NUMB: variants seen among roughly 807,000 people sequenced by gnomAD.
NUMB encodes NUMB endocytic adaptor protein, also known as protein numb homolog.
Under a neutral mutation model 59.7 loss-of-function variants are expected in NUMB, and 29 were observed. The observed-to-expected ratio is 0.49, with a 90% confidence interval of 0.36 to 0.66. The LOEUF (loss-of-function observed/expected upper bound fraction) is 0.66. Ranked by LOEUF, NUMB falls within the 30% of genes least tolerant of loss-of-function variation. The pLI is 0.00. For missense variants in NUMB, 723 were observed against 822.0 expected (o/e 0.88, Z 1.47); for synonymous variants, 288 against 288.2 (o/e 1.00, Z 0.01).
chr14:73,279,340 G>A lies in NUMB; in HGVS notation c.1181C>T (p.Thr394Ile). ...ATCAGGGGCATGGGCCCAAGGGTTGGTTTCACGCACAGGCATTGCTACGGG... is the reference window on the plus strand; with the variant it reads ...ATCAGGGGCATGGGCCCAAGGGTTGATTTCACGCACAGGCATTGCTACGGG... Reference protein sequence around the residue: ...LAPVAMPVRETNPWAHAPDAA... With the variant: ...LAPVAMPVREINPWAHAPDAA... The change falls in exon 12 of 13, where the codon ACC becomes ATC. Residue 394 changes from threonine (T) to isoleucine (I), a missense_variant. This residue lies in a region of NUMB where 406 missense variants were observed against 385.4 expected (regional missense o/e 1.05). Coordinates refer to ENST00000555238, the MANE Select transcript of NUMB (RefSeq NM_001005743.2). 1.9e-6 allele frequency: 3 copies of A among 1,613,890 alleles called. No homozygotes were observed. The South Asian group carries it at 3.3e-5, about 18-fold the overall frequency.
intron 6 of NUMB, among the ~76,000 whole-genome samples, chr14:73,315,524 T>G (rs1369412273): frequency 1.3e-5 from 2 of 152,152 alleles, no homozygotes; most frequent in African/African-American, 4.8e-5. Context: ...ATAAACAACA[T>G]TCCACATATG....
intron 6 of NUMB, among the ~76,000 whole-genome samples, chr14:73,302,181 T>C (rs1328933613): frequency 6.6e-6 from 1 of 152,236 alleles, no homozygotes; most frequent in Non-Finnish European, 1.5e-5. Flanking sequence ...ATATTTGTCA[T>C]ATTTCATGGC....
At chr14:73,440,758 G>A (rs1405735089) in intron 1 of NUMB, among the ~76,000 whole-genome samples, 1 of 149,584 alleles carries the variant, frequency 6.7e-6, no homozygotes, top group Non-Finnish European at 1.5e-5. Context: ...AAACCGGGAG[G>A]TGGAGGTTGC....
intron 7 of NUMB, 144 bp from the exon 8 acceptor site, chr14:73,293,018 T>C: frequency 1.2e-6 from 1 of 824,338 alleles, no homozygotes; most frequent in Non-Finnish European, 1.9e-6. Context: ...TCCAGCAGTT[T>C]AAATACTGAG....
At chr14:73,277,325 C>G (rs767399092) in intron 12 of NUMB, 32 bp from the exon 13 acceptor site, 11 of 1,478,844 alleles carry the variant, frequency 7.4e-6, no homozygotes, top group South Asian at 5.0e-5. Flanking sequence ...ACAAAAGAAT[C>G]AGTTAGGGGC....
At chr14:73,395,903 TAC>T (rs1381579357) in intron 2 of NUMB, among the ~76,000 whole-genome samples, 1 of 152,214 alleles carries the variant, frequency 6.6e-6, no homozygotes, top group African/African-American at 2.4e-5. Context: ...GCTAGATGGA[TAC>T]AGACACAGCT....
chr14:73,312,033 C>T (rs538163856), intron 6 of NUMB, among the ~76,000 whole-genome samples: 1 of 152,106 alleles, frequency 6.6e-6, no homozygotes, highest in African/African-American at 2.4e-5. Context: ...CTTTAAATGA[C>T]TCACTGTAAA....
At position 73,432,465 on chromosome 14, in the gene NUMB, AT is replaced by A. The variant is rs1398627336; in HGVS notation, c.-232-22398del. ...CCTATTTATTTTGTATATTTAAAAA[AT>A]AACGTACTCATTATTCACTATAATT... On this transcript the variant is annotated intron_variant, in intron 1 of 12. Transcript: ENST00000555238. Among the ~76,000 whole-genome samples the A allele has an allele frequency of 5.3e-5, 8 of 152,170 alleles. No individual in the cohort carries two copies. In the East Asian group the frequency reaches 1.5e-3, roughly 29 times the overall value.
intron 1 of NUMB, among the ~76,000 whole-genome samples, chr14:73,416,483 T>C (rs1897132781): frequency 6.6e-6 from 1 of 152,164 alleles, no homozygotes; most frequent in Non-Finnish European, 1.5e-5. Flanking sequence ...TTCAAAATTA[T>C]GCCCATCCTT....
intron 1 of NUMB, among the ~76,000 whole-genome samples, chr14:73,422,614 C>A (rs191479603): frequency 6.6e-6 from 1 of 151,568 alleles, no homozygotes; most frequent in East Asian, 1.9e-4. Context: ...GTGAGGGCCT[C>A]GGGAAGCTTA....
rs71112745 is a variant in NUMB at position 73,386,867 on chromosome 14, A to ATTTTTTTTTTTTTTT, written c.-100-19901_-100-19887dup. On this transcript the variant is annotated intron_variant, in intron 2 of 12. Transcript: ENST00000555238. The stretch of plus-strand genomic sequence containing the variant: ...TACAAGACAATCTATCAGGTGTCTT[A>ATTTTTTTTTTTTTTT]TTTTTTTTTTTTTTTTTTTTTTTTT... 1.4e-4 allele frequency among the ~76,000 whole-genome samples: 11 copies of ATTTTTTTTTTTTTTT among 79,852 alleles called. 1 individual carries two copies. Among genetic ancestry groups the ATTTTTTTTTTTTTTT allele is most frequent in the Admixed American group, 3.6e-4 (2 of 5,602 alleles). 52.4% of individuals were successfully genotyped at this position (79,852 alleles called of 152,430 possible).
intron 4 of NUMB, among the ~76,000 whole-genome samples, chr14:73,355,369 C>A (rs12897345): frequency 0.2 from 30,654 of 152,022 alleles, 3,381 homozygotes; most frequent in Non-Finnish European, 0.25. Flanking sequence ...GTATTCTTAT[C>A]AGAATATTTG....
chr14:73,431,744 G>A lies in NUMB; in HGVS notation c.-232-21676C>T, dbSNP rs907244206. Among the ~76,000 whole-genome samples, 15 of 151,856 alleles carry A rather than the reference G, an allele frequency of 9.9e-5. No homozygotes were observed. In the East Asian group the frequency reaches 1.4e-3, roughly 14 times the overall value. ...AGCCTGAGCAACAGAGCAAGACTCCGTCTCAAAAAAAGAAAAGAAAGAAAA... is the reference window on the plus strand; with the variant it reads ...AGCCTGAGCAACAGAGCAAGACTCCATCTCAAAAAAAGAAAAGAAAGAAAA... On this transcript the variant is annotated intron_variant, in intron 1 of 12. Coordinates refer to ENST00000555238, the MANE Select transcript of NUMB (RefSeq NM_001005743.2).
chr14:73,276,449 C>CTTGT lies in NUMB; in HGVS notation c.*125_*128dup. Reference sequence around the variant, plus strand: ...CCCCTCACAGTACTCTGGGCCTGGACTTGTTCCTTGGGACCTTTGGGATTA... The same window carrying CTTGT: ...CCCCTCACAGTACTCTGGGCCTGGACTTGTTTGTTCCTTGGGACCTTTGGGATTA... On this transcript the variant is annotated 3_prime_UTR_variant, in exon 13 of 13. Coordinates refer to ENST00000555238, the MANE Select transcript of NUMB (RefSeq NM_001005743.2). 1.4e-6 allele frequency: 1 copy of CTTGT among 700,718 alleles called. No individual in the cohort carries two copies. Among genetic ancestry groups the CTTGT allele is most frequent in the Non-Finnish European group, 2.4e-6 (1 of 423,714 alleles). The allele number at this position is 700,718 out of a possible 1,614,324, so 43.4% of individuals were successfully genotyped here.
chr14:73,407,498 T>C (rs1190077091), intron 2 of NUMB, among the ~76,000 whole-genome samples: 1 of 152,214 alleles, frequency 6.6e-6, no homozygotes, highest in Non-Finnish European at 1.5e-5. Flanking sequence ...AACTAAAATA[T>C]ATTGTTTCAC....
At chr14:73,287,471 G>A (rs1182214839) in intron 8 of NUMB, among the ~76,000 whole-genome samples, 157 bp from the exon 9 acceptor site, 2 of 151,922 alleles carry the variant, frequency 1.3e-5, no homozygotes, top group South Asian at 4.1e-4. Flanking sequence ...CTCTGCCTCC[G>A]GGCTCAAATA....
chr14:73,444,594 A>G (rs781109248), intron 1 of NUMB, among the ~76,000 whole-genome samples: 9 of 152,110 alleles, frequency 5.9e-5, no homozygotes, highest in Non-Finnish European at 1.0e-4. Context: ...ACATACATAC[A>G]TATGTTTAGA....
chr14:73,454,625 A>G (rs1403084981), intron 1 of NUMB, among the ~76,000 whole-genome samples: 1 of 152,160 alleles, frequency 6.6e-6, no homozygotes, highest in East Asian at 1.9e-4. Context: ...TACCTAAATA[A>G]AACTTCAGTA....
At chr14:73,297,132 A>G in intron 7 of NUMB, 79 bp downstream of exon 7, 1 of 937,134 alleles carries the variant, frequency 1.1e-6, no homozygotes, top group Non-Finnish European at 1.7e-6. Flanking sequence ...GTGCCATTGC[A>G]CTCCAGCCTG....
Sources: gnomAD v4.1 joint callset for allele counts (sites outside exome capture counted in the v4.1 genomes callset) on GRCh38, gnomAD v4.1.1 for gene constraint, gnomAD v4.1.1 regional missense constraint, MANE v1.5 for transcripts, NCBI Gene and HGNC (gene_info 2026-07-23, HGNC 2026-07-21) for gene names.